Variants in UQCC6 observed in about 807,000 individuals in gnomAD.
UQCC6 encodes ubiquinol-cytochrome c reductase complex assembly factor 6.
At chr12:103,963,209 G>A in the UQCC6 span, among the ~76,000 whole-genome samples, 6 of 152,080 alleles carry the variant, frequency 3.9e-5, no homozygotes, top group Non-Finnish European at 8.8e-5. Context: ...GAGTAGCTGG[G>A]ACTACAGGCA....
the UQCC6 span, chr12:103,951,108 T>A: frequency 6.5e-6 from 1 of 153,214 alleles, no homozygotes; most frequent in Admixed American, 6.5e-5. Context: ...TAGTGTTCAT[T>A]TACTAAAGTT....
the UQCC6 span, chr12:103,951,542 T>C: frequency 1.3e-6 from 2 of 1,538,176 alleles, no homozygotes; most frequent in African/African-American, 2.7e-5. Context: ...TTCCTCCTGT[T>C]GAGAAACTTG....
chr12:103,960,120 C>T, the UQCC6 span, among the ~76,000 whole-genome samples: 2 of 152,140 alleles, frequency 1.3e-5, no homozygotes, highest in South Asian at 4.1e-4. Context: ...AACAGTCTCG[C>T]TCTGTCGCCC....
At chr12:103,951,577 T>A in the UQCC6 span, 1 of 1,549,858 alleles carries the variant, frequency 6.5e-7, no homozygotes, top group Non-Finnish European at 8.7e-7. Context: ...TTTCTTTCAG[T>A]CCCAAAAGCT....
chr12:103,954,922 ATG>A, the UQCC6 span: 1 of 701,802 alleles, frequency 1.4e-6, no homozygotes, highest in South Asian at 1.5e-5. Flanking sequence ...TCACTAAGCT[ATG>A]TGACTTTGAG....
the UQCC6 span, among the ~76,000 whole-genome samples, chr12:103,960,016 C>A: frequency 6.6e-6 from 1 of 151,852 alleles, no homozygotes; most frequent in Non-Finnish European, 1.5e-5. Flanking sequence ...CACAGGTGAT[C>A]CGCCTGCCTC....
At chr12:103,962,140 T>C in the UQCC6 span, among the ~76,000 whole-genome samples, 1 of 152,234 alleles carries the variant, frequency 6.6e-6, no homozygotes, top group Non-Finnish European at 1.5e-5. Context: ...TGGTGATGTA[T>C]CTGTTCAAAT....
the UQCC6 span, chr12:103,956,783 C>A: frequency 1.4e-6 from 2 of 1,380,378 alleles, no homozygotes; most frequent in Non-Finnish European, 2.0e-6. Flanking sequence ...GTCAGAAGTT[C>A]CAGCTCACGA....
the UQCC6 span, among the ~76,000 whole-genome samples, chr12:103,959,596 C>G: frequency 6.6e-6 from 1 of 151,650 alleles, no homozygotes; most frequent in African/African-American, 2.4e-5. Flanking sequence ...CCTGTAGTCC[C>G]AGCTACTCGG....
chr12:103,955,742 C>T, the UQCC6 span: 1 of 455,766 alleles, frequency 2.2e-6, no homozygotes, highest in Non-Finnish European at 4.4e-6. Flanking sequence ...TGACTGCTCC[C>T]AACATTGTGC....
chr12:103,962,513 T>A, the UQCC6 span, among the ~76,000 whole-genome samples: 19 of 152,198 alleles, frequency 1.2e-4, no homozygotes, highest in African/African-American at 3.9e-4. Flanking sequence ...CAGGACCAGA[T>A]TGAGGACCAG....
chr12:103,959,015 C>A, the UQCC6 span, among the ~76,000 whole-genome samples: 14 of 152,300 alleles, frequency 9.2e-5, no homozygotes, highest in Middle Eastern at 0.014. Context: ...GTTAAATGCA[C>A]CTTCCCAAAA....
chr12:103,962,550 T>C, the UQCC6 span, among the ~76,000 whole-genome samples: 1 of 152,164 alleles, frequency 6.6e-6, no homozygotes, highest in Non-Finnish European at 1.5e-5. Context: ...GTGGAAGCTC[T>C]TCTCCATAAA....
chr12:103,956,470 G>A, the UQCC6 span: 1 of 599,860 alleles, frequency 1.7e-6, no homozygotes, highest in Non-Finnish European at 3.0e-6. Flanking sequence ...CAGGGCAAAT[G>A]TGATCCTAAT....
the UQCC6 span, among the ~76,000 whole-genome samples, chr12:103,961,219 A>G: frequency 6.6e-6 from 1 of 152,144 alleles, no homozygotes; most frequent in African/African-American, 2.4e-5. Flanking sequence ...GGCTTATAGA[A>G]TAAGGATATA....
chr12:103,957,301 A>G, the UQCC6 span: 5,221 of 149,830 alleles, frequency 0.035, 250 homozygotes, highest in East Asian at 0.15. Flanking sequence ...GCTGGGAGAA[A>G]GCCAGTGACT....
the UQCC6 span, chr12:103,957,116 C>T: frequency 8.1e-6 from 2 of 246,198 alleles, no homozygotes; most frequent in Non-Finnish European, 1.6e-5. Flanking sequence ...TGCCTCTATA[C>T]ACGCGCTCTA....
chr12:103,965,112 GA>G, the UQCC6 span, among the ~76,000 whole-genome samples: 2 of 152,080 alleles, frequency 1.3e-5, no homozygotes, highest in Non-Finnish European at 2.9e-5. Flanking sequence ...CTGCAAACTA[GA>G]AAAACCCAAA....
chr12:103,955,714 G>A, the UQCC6 span: 2 of 455,204 alleles, frequency 4.4e-6, no homozygotes, highest in South Asian at 1.6e-5. Flanking sequence ...ACCTGTCCAG[G>A]CAGAGTCCAA....
Sources: allele counts gnomAD v4.1 joint callset (sites outside exome capture counted in the v4.1 genomes callset), GRCh38; gene constraint gnomAD v4.1.1; transcripts MANE v1.5; gene names NCBI Gene and HGNC (gene_info 2026-07-23, HGNC 2026-07-21).